The following PLCB1 variants were observed in gnomAD, a reference collection of about 807,000 sequenced individuals.
PLCB1 encodes 1-phosphatidylinositol 4,5-bisphosphate phosphodiesterase beta-1.
In PLCB1, 46 loss-of-function variants were observed where a neutral mutation model predicts 161.8. The ratio of observed to expected loss-of-function variants is 0.28; its 90% CI spans 0.22 to 0.36. The LOEUF is 0.36. Ranked by LOEUF, PLCB1 falls within the 10% of genes least tolerant of loss-of-function variation. The probability of loss-of-function intolerance (pLI) is 1.00; values close to 1 mark genes in which losing one functional copy is unlikely to be tolerated. For synonymous variants in PLCB1, 517 were observed against 503.7 expected, an observed-to-expected ratio of 1.03 and a Z score of -0.35; for missense variants, 1,016 against 1,472.5, an observed-to-expected ratio of 0.69 and a Z score of 5.07.
intron 3 of PLCB1, among the ~76,000 whole-genome samples, chr20:8,498,129 TGCTCTG>T (rs1340198353): frequency 2.0e-5 from 3 of 152,212 alleles, no homozygotes; most frequent in Non-Finnish European, 4.4e-5. Flanking sequence ...GATAGAGTCT[TGCTCTG>T]TTGCCAGGCT....
intron 27 of PLCB1, among the ~76,000 whole-genome samples, chr20:8,780,940 T>C (rs1401774992): frequency 1.3e-5 from 2 of 152,242 alleles, no homozygotes; most frequent in Non-Finnish European, 2.9e-5. Context: ...TTCTGTACAA[T>C]ACCTGAATTG....
At position 8,339,557 on chromosome 20, in the gene PLCB1, C is replaced by T. The variant is rs563552200; in HGVS notation, c.178-31825C>T. Among the ~76,000 whole-genome samples the T allele has an allele frequency of 1.7e-3, 263 of 152,298 alleles. 1 individual carries two copies. Among genetic ancestry groups the T allele is most frequent in the African/African-American group, 3.9e-3 (163 of 41,586 alleles). On this transcript the variant is annotated intron_variant, in intron 2 of 31. Transcript: ENST00000338037. ...ACTGGCTGTGTTACAGAATTAATTC[C>T]GGGACTGGCTTTCAGCCCACTTGCA...
intron 3 of PLCB1, among the ~76,000 whole-genome samples, chr20:8,484,928 T>C (rs945093882): frequency 1.3e-5 from 2 of 152,174 alleles, no homozygotes; most frequent in African/African-American, 4.8e-5. Flanking sequence ...TTCTAAGTAG[T>C]TTAAAGTGAG....
In PLCB1 at chr20:8,741,492, C is replaced by G. The variant is rs761083194; in HGVS notation, c.2442C>G (p.Ile814Met). Residue 814 changes from isoleucine (I) to methionine (M), a missense_variant, in exon 23 of 32, where the codon ATC (isoleucine) becomes ATG (methionine). Around this residue, in one of 10 missense-constraint regions of PLCB1, gnomAD observed 75 missense variants for 117.0 expected, o/e 0.64. Transcript: ENST00000338037. ...TCATCGAAGCTTTATCAAACCCAAT[C>G]CGATATGTGAACCTGATGGAACAGA... ...ADVIEALSNP[I>M]RYVNLMEQRA... is the part of the protein sequence containing the mutation. 1 of 1,613,448 alleles carries G rather than the reference C, an allele frequency of 6.2e-7. No homozygotes were observed. The highest frequency in any genetic ancestry group is 1.3e-5 in the African/African-American group (1 of 75,036).
intron 3 of PLCB1, among the ~76,000 whole-genome samples, chr20:8,510,541 A>C (rs1180340866): frequency 6.6e-6 from 1 of 151,510 alleles, no homozygotes; most frequent in Non-Finnish European, 1.5e-5. Context: ...ATGGGCCACC[A>C]CGCCCAGCTA....
chr20:8,235,611 G>C (rs186508816), intron 2 of PLCB1, among the ~76,000 whole-genome samples: 2 of 151,960 alleles, frequency 1.3e-5, no homozygotes, highest in African/African-American at 4.8e-5. Flanking sequence ...AAAGTTATTC[G>C]TGCACGTCCC....
At chr20:8,576,287 T>C (rs1413533638) in intron 3 of PLCB1, among the ~76,000 whole-genome samples, 2 of 152,220 alleles carry the variant, frequency 1.3e-5, no homozygotes, top group African/African-American at 2.4e-5. Flanking sequence ...GACTGTGCTA[T>C]GCTGTGAAAG....
intron 27 of PLCB1, among the ~76,000 whole-genome samples, chr20:8,784,367 A>G (rs375224066): frequency 3.3e-5 from 5 of 152,220 alleles, no homozygotes; most frequent in African/African-American, 1.2e-4. Context: ...GTTCAAGAGC[A>G]GCCTGGGCAA....
At chr20:8,236,172 C>T (rs1043593058) in intron 2 of PLCB1, among the ~76,000 whole-genome samples, 1 of 152,066 alleles carries the variant, frequency 6.6e-6, no homozygotes, top group Non-Finnish European at 1.5e-5. Flanking sequence ...TAATATAGCA[C>T]TCTATTGATA....
In PLCB1 at chr20:8,617,676, A is replaced by G. The variant is rs146517894; in HGVS notation, c.247-10618A>G. Among the ~76,000 whole-genome samples, 504 of 152,322 alleles carry G rather than the reference A, an allele frequency of 3.3e-3. 6 individuals are homozygous for G. The highest frequency in any genetic ancestry group is 0.012 in the African/African-American group (489 of 41,568). ...CAAGAGGCAACCAATTCATGGCCCA[A>G]TGTAATCTGTCTTTTTGTACTTCAT... is the stretch of plus-strand genomic sequence containing the variant. On this transcript the variant is annotated intron_variant, in intron 3 of 31. Transcript: ENST00000338037.
chr20:8,793,382 T>A (rs544425560), intron 31 of PLCB1, among the ~76,000 whole-genome samples: 53 of 152,144 alleles, frequency 3.5e-4, no homozygotes, highest in Non-Finnish European at 6.9e-4. Flanking sequence ...TCAACTAATT[T>A]ACAGATGGTA....
intron 9 of PLCB1, among the ~76,000 whole-genome samples, chr20:8,674,886 G>T (rs1254732446): frequency 6.6e-6 from 1 of 152,146 alleles, no homozygotes; most frequent in East Asian, 1.9e-4. Flanking sequence ...ACTGGTGAAG[G>T]ATAAAGGAGG....
At chr20:8,268,140 C>T (rs536287049) in intron 2 of PLCB1, among the ~76,000 whole-genome samples, 296 of 152,088 alleles carry the variant, frequency 1.9e-3, no homozygotes, top group African/African-American at 7.0e-3. Context: ...TGACCGGCCC[C>T]GGTGTGTGAT....
At chr20:8,847,068 G>A (rs1986714451) in intron 31 of PLCB1, among the ~76,000 whole-genome samples, 1 of 152,106 alleles carries the variant, frequency 6.6e-6, no homozygotes, top group African/African-American at 2.4e-5. Flanking sequence ...CATTTCAAGG[G>A]GTGGGAAAAG....
chr20:8,802,815 G>GA (rs1166386997), intron 31 of PLCB1, among the ~76,000 whole-genome samples: 2 of 152,144 alleles, frequency 1.3e-5, no homozygotes, highest in African/African-American at 4.8e-5. Context: ...ACTTCAGCTT[G>GA]AAAATCAGAG....
At chr20:8,278,136 A>C (rs995904559) in intron 2 of PLCB1, among the ~76,000 whole-genome samples, 1 of 151,848 alleles carries the variant, frequency 6.6e-6, no homozygotes, top group Non-Finnish European at 1.5e-5. Flanking sequence ...CAAAAGAATT[A>C]GAGCATATCC....
rs1167677301 is a variant in PLCB1, at chr20:8,883,180, T to TTAGGAC, written c.*1332_*1337dup. 6.6e-6 allele frequency: 1 copy of TTAGGAC among 152,084 alleles called. No individual in the cohort carries two copies. Among genetic ancestry groups the TTAGGAC allele is most frequent in the African/African-American group, 2.4e-5 (1 of 41,392 alleles). The allele number at this position is 152,084 out of a possible 1,614,324, so 9.4% of individuals were successfully genotyped here. A position where few individuals can be genotyped will look rare whatever the true frequency, so the allele number is the denominator to read the frequency against. Reference sequence around the variant, plus strand: ...TAAGCTTGTTTTAATGGTCAAAAAATTAGGACAGAAATAATATGGACATTT... The same window carrying TTAGGAC: ...TAAGCTTGTTTTAATGGTCAAAAAATTAGGACTAGGACAGAAATAATATGGACATTT... On this transcript the variant is annotated 3_prime_UTR_variant, in exon 32 of 32. Transcript: ENST00000338037.
In PLCB1 at chr20:8,677,741, T is replaced by A. The variant is rs952675150; in HGVS notation, c.863-7191T>A. Among the ~76,000 whole-genome samples the A allele has an allele frequency of 6.6e-5, 10 of 151,650 alleles. No homozygotes were observed. In the East Asian group the frequency reaches 1.2e-3, roughly 18 times the overall value. ...GCAAATTTTTCCCACAAAAATCTTT[T>A]AAAAAAAAATCCAACCCAAAATACT... On this transcript the variant is annotated intron_variant, in intron 9 of 31. Transcript: ENST00000338037.
At chr20:8,196,923 G>GT (rs1236112298) in intron 2 of PLCB1, among the ~76,000 whole-genome samples, 2 of 151,790 alleles carry the variant, frequency 1.3e-5, no homozygotes, top group Non-Finnish European at 2.9e-5. Flanking sequence ...GCGGTGTTTG[G>GT]TTTTTTGTCC....
Sources: allele counts gnomAD v4.1 joint callset (sites outside exome capture counted in the v4.1 genomes callset), GRCh38; gene constraint gnomAD v4.1.1; regional missense constraint gnomAD v4.1.1; transcripts MANE v1.5; gene names NCBI Gene and HGNC (gene_info 2026-07-23, HGNC 2026-07-21).